DGCR8: variants seen among roughly 807,000 people sequenced by gnomAD.
DGCR8 encodes the protein DGCR8 microprocessor complex subunit, also known as microprocessor complex subunit DGCR8.
In DGCR8, 14 loss-of-function variants were observed where a neutral mutation model predicts 78.5. That is an observed-to-expected ratio of 0.18 (90% CI 0.12 to 0.28). DGCR8 has a LOEUF of 0.28. Among genes scored for constraint, DGCR8 ranks in the 10% least tolerant of loss-of-function variants. The pLI, the probability that DGCR8 is intolerant of heterozygous loss-of-function variation, is 1.00. For missense variants in DGCR8, 702 were observed against 1,022.5 expected (o/e 0.69, Z 4.28); for synonymous variants, 399 against 402.4 (o/e 0.99, Z 0.10).
In DGCR8 at chr22:20,086,885, GC is replaced by G. The variant is rs2049491152; in HGVS notation, c.720+205del. 1 of 802,542 alleles carries G rather than the reference GC, an allele frequency of 1.2e-6. No individual in the cohort carries two copies. Among genetic ancestry groups the G allele is most frequent in the Admixed American group, 3.2e-5 (1 of 31,538 alleles). The allele number at this position is 802,542 out of a possible 1,614,324, so 49.7% of individuals were successfully genotyped here. On this transcript the variant is annotated intron_variant, in intron 2 of 13. Transcript: ENST00000351989. This position sits in a 1 kb window ranked among gnomAD's most constrained non-coding sequence, Gnocchi z 6.4. ...TTAAAGTTTCCTAATGAAAAGTTTGGCCCATGGGTAGGCCCTGCATCCCTGA... is the reference window on the plus strand; with the variant it reads ...TTAAAGTTTCCTAATGAAAAGTTTGGCCATGGGTAGGCCCTGCATCCCTGA...
At chr22:20,101,485 G>A in intron 9 of DGCR8, 1 of 802,818 alleles carries the variant, frequency 1.2e-6, no homozygotes, top group Non-Finnish European at 1.5e-6. Flanking sequence ...GGCTGAGGCA[G>A]GAGAATGGCG....
intron 12 of DGCR8, chr22:20,107,625 C>T (rs1162669403): frequency 1.6e-5 from 9 of 560,698 alleles, no homozygotes; most frequent in African/African-American, 3.8e-5. Context: ...TGATTGGGAA[C>T]GCAGGCTGGG....
intron 9 of DGCR8, among the ~76,000 whole-genome samples, chr22:20,095,501 C>T (rs1356662428): frequency 6.6e-6 from 1 of 152,180 alleles, no homozygotes; most frequent in East Asian, 1.9e-4. Flanking sequence ...ACTTTCAGTC[C>T]TCCCAAACCT....
At chr22:20,093,025 TTTTA>T (rs1261395985) in intron 8 of DGCR8, 118 bp downstream of exon 8, 8 of 674,646 alleles carry the variant, frequency 1.2e-5, no homozygotes, top group African/African-American at 3.7e-5. Flanking sequence ...GGCATGTTTA[TTTTA>T]TTTATGTAAT....
At chr22:20,100,926 C>T in intron 9 of DGCR8, 1 of 739,714 alleles carries the variant, frequency 1.4e-6, no homozygotes. Context: ...GGGGCCCCTG[C>T]CACCCGGCAC....
chr22:20,092,056 G>C (rs1365654571), intron 7 of DGCR8, 86 bp downstream of exon 7: 23 of 1,031,922 alleles, frequency 2.2e-5, no homozygotes, highest in Non-Finnish European at 3.4e-5. Flanking sequence ...CTGACCGCTA[G>C]CCCTACTCTA....
intron 12 of DGCR8, 91 bp from the exon 13 acceptor site, chr22:20,108,799 C>CAGACCCTGGGCGCGCCTGCA: frequency 1.2e-6 from 1 of 847,914 alleles, no homozygotes; most frequent in Non-Finnish European, 2.0e-6. Context: ...GCGCGCCTGC[C>CAGACCCTGGGCGCGCCTGCA]TTCAGGGTCC....
chr22:20,104,705 G>C (rs1377916901), intron 9 of DGCR8, among the ~76,000 whole-genome samples: 3 of 152,268 alleles, frequency 2.0e-5, no homozygotes, highest in Non-Finnish European at 4.4e-5. Flanking sequence ...GTGCACTTGA[G>C]AGGAGCAGTG....
intron 9 of DGCR8, 55 bp downstream of exon 9, chr22:20,094,850 G>GC: frequency 1.3e-6 from 2 of 1,527,056 alleles, no homozygotes; most frequent in Non-Finnish European, 1.8e-6. Flanking sequence ...CGGCTACCCT[G>GC]CCCTGTTAGT....
intron 11 of DGCR8, 179 bp downstream of exon 11, chr22:20,106,877 CCT>C: frequency 5.0e-6 from 3 of 603,948 alleles, no homozygotes; most frequent in South Asian, 3.9e-5. Flanking sequence ...CTGCACTTTC[CCT>C]GTCTTTTCCC....
rs2049821533 is a variant in DGCR8 at position 20,110,215 on chromosome 22, C to CCCTGG, written c.*111_*112insGCCTG. On this transcript the variant is annotated 3_prime_UTR_variant, in exon 14 of 14. Transcript: ENST00000351989. ...GTCAGGCCTCCAACCCACGCTCCTTCCCTGTGGCCAACCTGTGGGCCCGGC... is the reference window on the plus strand; with the variant it reads ...GTCAGGCCTCCAACCCACGCTCCTTCCCTGGCCTGTGGCCAACCTGTGGGCCCGGC... The CCCTGG allele has an allele frequency of 8.5e-7, 1 of 1,179,642 alleles. No homozygotes were observed. Among genetic ancestry groups the CCCTGG allele is most frequent in the Non-Finnish European group, 1.2e-6 (1 of 825,350 alleles). 73.1% of individuals were successfully genotyped at this position (1,179,642 alleles called of 1,614,324 possible). A position where few individuals can be genotyped will look rare whatever the true frequency, so the allele number is the denominator to read the frequency against.
In DGCR8 at chr22:20,096,742, A is replaced by G. The variant is rs530560479; in HGVS notation, c.1788+1947A>G. On this transcript the variant is annotated intron_variant, in intron 9 of 13. Coordinates refer to ENST00000351989, the MANE Select transcript of DGCR8 (RefSeq NM_022720.7). ...CTCTATATATCTGCCAACTCTGGAC[A>G]TTTCATATTAGCGGAATCATACAAT... 2.6e-5 allele frequency among the ~76,000 whole-genome samples: 4 copies of G among 152,308 alleles called. No individual in the cohort carries two copies. The South Asian group carries it at 8.3e-4, about 32-fold the overall frequency.
chr22:20,092,449 G>C (rs2147923982), intron 7 of DGCR8, among the ~76,000 whole-genome samples: 2 of 152,294 alleles, frequency 1.3e-5, no homozygotes, highest in South Asian at 4.1e-4. Context: ...CATCCTTTGA[G>C]GTGGTGTTTC....
intron 9 of DGCR8, chr22:20,096,579 T>A (rs1361149996): frequency 1.5e-6 from 1 of 647,802 alleles, no homozygotes; most frequent in African/African-American, 2.0e-5. Flanking sequence ...TAAGTGGATT[T>A]TTATATATTC....
At chr22:20,101,489 A>T in intron 9 of DGCR8, 1 of 809,382 alleles carries the variant, frequency 1.2e-6, no homozygotes, top group South Asian at 5.6e-5. Context: ...GAGGCAGGAG[A>T]ATGGCGTGAA....
rs774504190 is a variant in DGCR8, at chr22:20,086,679, A to G, written c.716A>G (p.Tyr239Cys). The change falls in exon 2 of 14, where the codon TAC becomes TGC. Residue 239 changes from tyrosine to cysteine, a missense_variant. Around this residue, in one of 4 missense-constraint regions of DGCR8, gnomAD observed 356 missense variants for 448.9 expected, o/e 0.79. Transcript: ENST00000351989. The surrounding 1 kb of genome is among the most constrained non-coding windows in gnomAD (Gnocchi z 6.4). ...GATGAAGAGGCCTTGAATTTCCCCT[A>G]CGAGGTATGTTGGCAGCCCCTCCTC... ...RVDEEALNFPYEDDFDNDVDA... is the reference protein window; with the variant it reads ...RVDEEALNFPCEDDFDNDVDA... The G allele has an allele frequency of 2.1e-5, 34 of 1,603,834 alleles. No homozygotes were observed. The highest frequency in any genetic ancestry group is 5.3e-5 in the African/African-American group (4 of 74,834).
At chr22:20,094,644 G>GTTCA in intron 8 of DGCR8, 69 bp from the exon 9 acceptor site, 1 of 1,435,468 alleles carries the variant, frequency 7.0e-7, no homozygotes, top group Non-Finnish European at 9.8e-7. Context: ...GCAGTGCACA[G>GTTCA]TTCACTCTGC....
At chr22:20,083,570 A>C (rs1429040809) in intron 1 of DGCR8, among the ~76,000 whole-genome samples, 1 of 150,456 alleles carries the variant, frequency 6.6e-6, no homozygotes, top group Non-Finnish European at 1.5e-5. Context: ...TGGAACGTCT[A>C]CTCTAGCTGC....
rs776080683 is a variant in DGCR8 at position 20,107,257 on chromosome 22, CTT to C, written c.1997-12_1997-11del. 6.2e-7 allele frequency: 1 copy of C among 1,614,112 alleles called. No homozygotes were observed. Among genetic ancestry groups the C allele is most frequent in the South Asian group, 1.1e-5 (1 of 91,082 alleles). ...TTGTGACCCCCTCTCCATGCTTGCT[CTT>C]TCTCTGTGTAGGTAAGAACAAGAGA... On this transcript the variant is annotated splice_polypyrimidine_tract_variant and intron_variant, in intron 11 of 13. Coordinates refer to ENST00000351989, the MANE Select transcript of DGCR8 (RefSeq NM_022720.7).
Sources: gnomAD v4.1 joint callset for allele counts (sites outside exome capture counted in the v4.1 genomes callset) on GRCh38, gnomAD v4.1.1 for gene constraint, gnomAD v4.1.1 regional missense constraint, Gnocchi (gnomAD v3.1) non-coding constraint, MANE v1.5 for transcripts, NCBI Gene and HGNC (gene_info 2026-07-23, HGNC 2026-07-21) for gene names.